The following KLHDC10 variants were observed in gnomAD, a reference collection of about 807,000 sequenced individuals.
KLHDC10 encodes the protein kelch domain containing 10.
Under a neutral mutation model 56.1 loss-of-function variants are expected in KLHDC10, and 24 were observed. The ratio of observed to expected loss-of-function variants is 0.43; its 90% CI spans 0.31 to 0.60. KLHDC10 has a LOEUF of 0.60. Ranked by LOEUF, KLHDC10 falls within the 20% of genes least tolerant of loss-of-function variation. The pLI is 0.11. For missense variants in KLHDC10, 349 were observed against 567.0 expected (o/e 0.62, Z 3.91); for synonymous variants, 188 against 207.1 (o/e 0.91, Z 0.79).
At chr7:130,089,912 G>T (rs557802980) in intron 1 of KLHDC10, among the ~76,000 whole-genome samples, 1 of 149,656 alleles carries the variant, frequency 6.7e-6, no homozygotes, top group African/African-American at 2.5e-5. Context: ...ATGGAGTTTC[G>T]CTCTTGTTGC....
intron 1 of KLHDC10, among the ~76,000 whole-genome samples, chr7:130,091,797 T>C (rs1471268416): frequency 2.0e-5 from 3 of 152,198 alleles, no homozygotes; most frequent in Non-Finnish European, 4.4e-5. Flanking sequence ...TACCCTTTTC[T>C]TGGGCCTTGT....
intron 1 of KLHDC10, among the ~76,000 whole-genome samples, chr7:130,081,329 TA>T (rs1329099177): frequency 2.7e-5 from 4 of 148,614 alleles, no homozygotes; most frequent in African/African-American, 9.9e-5. Flanking sequence ...GTTTGTTTTT[TA>T]TTTTTGAGAT....
Position 130,120,924 on chromosome 7 carries a change from A to AT in KLHDC10, c.630+22dup. ...GACAGGTACCAATCTGTGGCCAGTC[A>AT]TGGTGTATTTGTTCATATTTTTCTA... On this transcript the variant is annotated intron_variant, in intron 4 of 9. Transcript: ENST00000335420. This position sits in a 1 kb window ranked among gnomAD's most constrained non-coding sequence, Gnocchi z 5.1. The AT allele has an allele frequency of 6.2e-7, 1 of 1,611,108 alleles. No individual in the cohort carries two copies. Among genetic ancestry groups the AT allele is most frequent in the Middle Eastern group, 1.7e-4 (1 of 6,046 alleles).
chr7:130,094,080 C>T (rs539895373), intron 1 of KLHDC10, among the ~76,000 whole-genome samples: 16 of 151,928 alleles, frequency 1.1e-4, no homozygotes, highest in Non-Finnish European at 1.9e-4. Flanking sequence ...CCTGCCACCA[C>T]GCCTGACTAA....
At chr7:130,119,503 C>A (rs1444795745) in intron 3 of KLHDC10, among the ~76,000 whole-genome samples, 1 of 143,916 alleles carries the variant, frequency 6.9e-6, no homozygotes, top group Non-Finnish European at 1.5e-5. Flanking sequence ...CAGAGCGAGA[C>A]CCTGCCTTTC....
rs916111517 is a variant in KLHDC10 at position 130,130,353 on chromosome 7, T to TAC, written c.1120-183_1120-182insCA. On this transcript the variant is annotated intron_variant, in intron 9 of 9. Transcript: ENST00000335420. The surrounding 1 kb of genome is among the most constrained non-coding windows in gnomAD (Gnocchi z 4.2). The stretch of plus-strand genomic sequence containing the variant: ...AAAAAAAATCATATATATATATATA[T>TAC]AGTTTTTCCCTTAGTAATTCATTAA... Among the ~76,000 whole-genome samples, 1 of 150,044 alleles carries TAC rather than the reference T, an allele frequency of 6.7e-6. No individual in the cohort carries two copies. Among genetic ancestry groups the TAC allele is most frequent in the Non-Finnish European group, 1.5e-5 (1 of 67,586 alleles).
intron 1 of KLHDC10, among the ~76,000 whole-genome samples, chr7:130,084,772 G>GAA (rs111770744): frequency 2.4e-4 from 29 of 120,458 alleles, no homozygotes; most frequent in African/African-American, 7.7e-4. Flanking sequence ...GCGAGACTCT[G>GAA]AAAAAAAAAA....
intron 1 of KLHDC10, among the ~76,000 whole-genome samples, chr7:130,091,911 A>G (rs1471882971): frequency 6.6e-6 from 1 of 152,232 alleles, no homozygotes; most frequent in Non-Finnish European, 1.5e-5. Context: ...GGGCCCTTGC[A>G]TATAAAAAAA....
In KLHDC10 at chr7:130,070,737, G is replaced by T. The variant is rs759869689; in HGVS notation, c.94G>T (p.Gly32Trp). The change falls in exon 1 of 10, where the codon GGG (glycine) becomes TGG (tryptophan). Residue 32 changes from glycine to tryptophan, a missense_variant. By Grantham distance (184) the Gly-to-Trp change is radical (BLOSUM62 -2). This residue lies in a region of KLHDC10 where 104 missense variants were observed against 97.0 expected (regional missense o/e 1.07). Transcript: ENST00000335420. ...AGGTAGCGGGGCCGGCGGGGGCAGT[G>T]GGGGCAGCGGGGGTCGGGGGACTGG... ...GGGSGAGGGSGGSGGRGTGQL... is the reference protein window; with the variant it reads ...GGGSGAGGGSWGSGGRGTGQL... The T allele has an allele frequency of 7.8e-7, 1 of 1,285,130 alleles. No homozygotes were observed. The highest frequency in any genetic ancestry group is 2.5e-5 in the South Asian group (1 of 39,406). The allele number at this position is 1,285,130 out of a possible 1,614,324, so 79.6% of individuals were successfully genotyped here.
At chr7:130,082,063 AG>A (rs549450209) in intron 1 of KLHDC10, among the ~76,000 whole-genome samples, 142 of 152,336 alleles carry the variant, frequency 9.3e-4, no homozygotes, top group Middle Eastern at 3.4e-3. Context: ...CTATAATCCC[AG>A]CACTTTGGAA....
intron 1 of KLHDC10, among the ~76,000 whole-genome samples, chr7:130,090,549 C>G (rs1488030202): frequency 2.0e-5 from 3 of 151,470 alleles, no homozygotes; most frequent in Admixed American, 6.6e-5. Flanking sequence ...GATCATGCCA[C>G]TGCACTCTTG....
intron 2 of KLHDC10, among the ~76,000 whole-genome samples, chr7:130,099,762 T>C (rs1054174980): frequency 3.9e-5 from 6 of 152,216 alleles, no homozygotes; most frequent in African/African-American, 1.4e-4. Context: ...TTTGGTTTTT[T>C]AGCTAGTGAA....
At chr7:130,075,157 C>CAG (rs573297587) in intron 1 of KLHDC10, among the ~76,000 whole-genome samples, 10 of 152,124 alleles carry the variant, frequency 6.6e-5, no homozygotes, top group African/African-American at 2.4e-4. Flanking sequence ...AATAAGTATG[C>CAG]AGAGAGCTCA....
chr7:130,093,343 C>T (rs892140792), intron 1 of KLHDC10, among the ~76,000 whole-genome samples: 1 of 152,026 alleles, frequency 6.6e-6, no homozygotes, highest in Non-Finnish European at 1.5e-5. Context: ...CCTGCCTCAG[C>T]CTCCCGAGTA....
intron 1 of KLHDC10, among the ~76,000 whole-genome samples, chr7:130,091,180 A>G (rs1795767692): frequency 6.6e-6 from 1 of 152,100 alleles, no homozygotes; most frequent in South Asian, 2.1e-4. Flanking sequence ...ATAAGTTTTC[A>G]TTTCTCTGGG....
At chr7:130,127,973 C>T (rs1344435318) in intron 8 of KLHDC10, among the ~76,000 whole-genome samples, 1 of 152,214 alleles carries the variant, frequency 6.6e-6, no homozygotes, top group African/African-American at 2.4e-5. Context: ...ATAAGTGACT[C>T]CTCTCTGGAT....
chr7:130,084,197 A>G (rs1056492590), intron 1 of KLHDC10, among the ~76,000 whole-genome samples: 1 of 152,212 alleles, frequency 6.6e-6, no homozygotes, highest in Non-Finnish European at 1.5e-5. Context: ...TATAAAATTG[A>G]AGGGTAACTA....
rs565930556 is a variant in KLHDC10 at position 130,121,910 on chromosome 7, CTT to C, written c.631-142_631-141del. 213 of 643,570 alleles carry C rather than the reference CTT, an allele frequency of 3.3e-4. 1 individual carries two copies. The African/African-American group carries it at 3.6e-3, about 11-fold the overall frequency. The allele number at this position is 643,570 out of a possible 1,614,324, so 39.9% of individuals were successfully genotyped here. ...AAATAATCTCTGGGTTCTCTAAAAT[CTT>C]TATTCTTTTAAGAGTCTGATACATT... On this transcript the variant is annotated intron_variant, in intron 4 of 9. Coordinates refer to ENST00000335420, the MANE Select transcript of KLHDC10 (RefSeq NM_014997.4).
chr7:130,124,293 T>C (rs147917969), intron 5 of KLHDC10, among the ~76,000 whole-genome samples, 158 bp from the exon 6 acceptor site: 1,782 of 152,308 alleles, frequency 0.012, 19 homozygotes, highest in South Asian at 0.034. Context: ...TTTATGTATA[T>C]TCTGTAAGTC....
Sources: allele counts gnomAD v4.1 joint callset (sites outside exome capture counted in the v4.1 genomes callset), GRCh38; gene constraint gnomAD v4.1.1; regional missense constraint gnomAD v4.1.1; non-coding constraint Gnocchi (gnomAD v3.1); transcripts MANE v1.5; gene names NCBI Gene and HGNC (gene_info 2026-07-23, HGNC 2026-07-21).